The following CAPSL variants were observed in gnomAD, a reference collection of about 807,000 sequenced individuals.
CAPSL encodes calcyphosin-like protein.
Under a neutral mutation model 21.3 loss-of-function variants are expected in CAPSL, and 17 were observed. The ratio of observed to expected loss-of-function variants is 0.80; its 90% CI spans 0.55 to 1.20. The LOEUF (loss-of-function observed/expected upper bound fraction) is 1.20. Ranked by LOEUF, CAPSL falls within the 50% of genes most tolerant of loss-of-function variation. The pLI is 0.00. For synonymous variants in CAPSL, 102 were observed against 89.3 expected, an observed-to-expected ratio of 1.14 and a Z score of -0.80; for missense variants, 289 against 259.3, an observed-to-expected ratio of 1.11 and a Z score of -0.79.
At chr5:35,919,186 T>C (rs1262698678) in intron 2 of CAPSL, among the ~76,000 whole-genome samples, 2 of 145,898 alleles carry the variant, frequency 1.4e-5, no homozygotes, top group Non-Finnish European at 3.0e-5. Flanking sequence ...TATATATATA[T>C]ATATAAAAAT....
chr5:35,914,980 A>G (rs1194590187), intron 2 of CAPSL, among the ~76,000 whole-genome samples: 1 of 152,216 alleles, frequency 6.6e-6, no homozygotes, highest in Non-Finnish European at 1.5e-5. Context: ...AATAAAGAAG[A>G]AAAGAGAGAA....
intron 4 of CAPSL, among the ~76,000 whole-genome samples, chr5:35,905,721 T>A (rs377023314): frequency 6.6e-6 from 1 of 152,248 alleles, no homozygotes; most frequent in Non-Finnish European, 1.5e-5. Context: ...AGGGATTACA[T>A]TAAGTTTCAC....
chr5:35,920,034 T>C (rs992369732), intron 2 of CAPSL, among the ~76,000 whole-genome samples: 5 of 152,146 alleles, frequency 3.3e-5, no homozygotes, highest in Non-Finnish European at 7.4e-5. Flanking sequence ...GGTCTTCCCA[T>C]TGGACTGGGG....
chr5:35,914,035 CA>C (rs1263575837), intron 2 of CAPSL, among the ~76,000 whole-genome samples: 1 of 151,366 alleles, frequency 6.6e-6, no homozygotes, highest in East Asian at 1.9e-4. Context: ...AAATGGAAAA[CA>C]AAAAAAGGCA....
intron 4 of CAPSL, among the ~76,000 whole-genome samples, chr5:35,907,813 C>A (rs969945195): frequency 2.0e-5 from 3 of 152,206 alleles, no homozygotes; most frequent in Non-Finnish European, 2.9e-5. Context: ...TGCTTCACCA[C>A]AAGCAATCTT....
At chr5:35,927,992 G>A (rs772003751) in intron 1 of CAPSL, among the ~76,000 whole-genome samples, 1 of 152,134 alleles carries the variant, frequency 6.6e-6, no homozygotes, top group Non-Finnish European at 1.5e-5. Flanking sequence ...ATAAACAAGA[G>A]AAATTTATTT....
At chr5:35,931,508 A>T (rs1454752764) in intron 1 of CAPSL, among the ~76,000 whole-genome samples, 3 of 151,430 alleles carry the variant, frequency 2.0e-5, no homozygotes, top group East Asian at 1.9e-4. Context: ...CATAATAAGC[A>T]TCCACTGGGA....
At chr5:35,911,555 G>T (rs1412170942) in intron 2 of CAPSL, among the ~76,000 whole-genome samples, 1 of 152,172 alleles carries the variant, frequency 6.6e-6, no homozygotes, top group Admixed American at 6.5e-5. Context: ...GAAAGTCTGA[G>T]AAACTGTCAT....
rs1760620689 is a variant in CAPSL, at chr5:35,904,332, C to A, written c.*213G>T. 1 of 574,982 alleles carries A rather than the reference C, an allele frequency of 1.7e-6. No individual in the cohort carries two copies. The highest frequency in any genetic ancestry group is 2.2e-5 in the South Asian group (1 of 45,422). The allele number at this position is 574,982 out of a possible 1,614,324, so 35.6% of individuals were successfully genotyped here. A position where few individuals can be genotyped will look rare whatever the true frequency, so the allele number is the denominator to read the frequency against. ...ATTTTATTTAAGTCCTATTTTAGAA[C>A]AAAGGAAACAGTCTTAGGCAAGGCA... On this transcript the variant is annotated 3_prime_UTR_variant, in exon 5 of 5. Transcript: ENST00000651391.
At chr5:35,934,082 C>T (rs1380380377) in intron 1 of CAPSL, among the ~76,000 whole-genome samples, 4 of 152,190 alleles carry the variant, frequency 2.6e-5, no homozygotes, top group African/African-American at 7.2e-5. Flanking sequence ...GAAAACTGCT[C>T]TTGTGAACCT....
intron 1 of CAPSL, among the ~76,000 whole-genome samples, chr5:35,937,473 T>C (rs1738980666): frequency 6.6e-6 from 1 of 152,204 alleles, no homozygotes. Context: ...CACTTGCAGG[T>C]ACACCTTCTT....
intron 1 of CAPSL, among the ~76,000 whole-genome samples, chr5:35,930,109 C>A (rs1269915183): frequency 6.6e-6 from 1 of 151,980 alleles, no homozygotes; most frequent in Non-Finnish European, 1.5e-5. Context: ...CTTCCACATA[C>A]CACATAAAGT....
chr5:35,909,104 A>G (rs914348735), intron 4 of CAPSL, among the ~76,000 whole-genome samples: 5 of 151,116 alleles, frequency 3.3e-5, no homozygotes, highest in African/African-American at 4.9e-5. Context: ...TTTTTTTCTA[A>G]AAAGTCAATT....
At chr5:35,917,786 C>G (rs1738431324) in intron 2 of CAPSL, among the ~76,000 whole-genome samples, 1 of 152,082 alleles carries the variant, frequency 6.6e-6, no homozygotes, top group Non-Finnish European at 1.5e-5. Flanking sequence ...TTAATGGGTG[C>G]AGCACACCAA....
intron 4 of CAPSL, among the ~76,000 whole-genome samples, chr5:35,907,424 T>A (rs758238421): frequency 3.3e-5 from 5 of 152,196 alleles, no homozygotes; most frequent in African/African-American, 1.2e-4. Context: ...AAGTCATATA[T>A]ACACATGAAG....
rs553073975 is a variant in CAPSL at position 35,921,017 on chromosome 5, G to T, written c.104C>A (p.Ala35Asp). Residue 35 changes from alanine (A) to aspartate (D), a missense_variant, in exon 2 of 5, where the codon GCC (alanine) becomes GAC (aspartate). Ala to Asp is a moderately radical substitution (Grantham distance 126). Transcript: ENST00000651391. ...TCCTTTGATCCCAGCAGAGCCCCTGGCCAGGCACTGCAGTCGGAGTCTTTC... is the reference window on the plus strand; with the variant it reads ...TCCTTTGATCCCAGCAGAGCCCCTGTCCAGGCACTGCAGTCGGAGTCTTTC... The part of the protein sequence containing the change: ...PIERLRLQCL[A>D]RGSAGIKGLG... 1.7e-5 allele frequency: 27 copies of T among 1,614,034 alleles called. No homozygotes were observed. In the South Asian group the frequency reaches 2.7e-4, roughly 16 times the overall value.
chr5:35,907,719 C>T (rs898214427), intron 4 of CAPSL, among the ~76,000 whole-genome samples: 36 of 152,244 alleles, frequency 2.4e-4, no homozygotes, highest in Non-Finnish European at 4.3e-4. Flanking sequence ...AGGAGCTATG[C>T]TAAATTTTTT....
intron 2 of CAPSL, among the ~76,000 whole-genome samples, chr5:35,918,869 G>GA (rs1218271918): frequency 6.6e-6 from 1 of 151,620 alleles, no homozygotes; most frequent in Non-Finnish European, 1.5e-5. Flanking sequence ...AGAGTCCAGT[G>GA]AAAAAAATGT....
At chr5:35,930,078 G>T (rs560841518) in intron 1 of CAPSL, among the ~76,000 whole-genome samples, 13 of 152,174 alleles carry the variant, frequency 8.5e-5, no homozygotes, top group Non-Finnish European at 1.8e-4. Flanking sequence ...TGAAACATCT[G>T]GTTTTTGTTT....
Sources: gnomAD v4.1 joint callset for allele counts (sites outside exome capture counted in the v4.1 genomes callset) on GRCh38, gnomAD v4.1.1 for gene constraint, MANE v1.5 for transcripts, NCBI Gene and HGNC (gene_info 2026-07-23, HGNC 2026-07-21) for gene names.